The following WDR35 variants were observed in gnomAD, a reference collection of about 807,000 sequenced individuals.
The protein encoded by WDR35 is WD repeat domain 35, also known as WD repeat-containing protein 35.
A neutral mutation model predicts 158.3 loss-of-function variants in WDR35; 118 were observed. That is an observed-to-expected ratio of 0.75 (90% confidence interval 0.64 to 0.87). The LOEUF is 0.87. Among genes scored for constraint, WDR35 ranks in the 40% least tolerant of loss-of-function variants. The probability of loss-of-function intolerance (pLI) is 0.00; values close to 1 mark genes in which losing one functional copy is unlikely to be tolerated. For missense variants in WDR35, 1,263 were observed against 1,405.8 expected (o/e 0.90, Z 1.62); for synonymous variants, 448 against 476.1 (o/e 0.94, Z 0.77).
In WDR35 at chr2:19,911,608, T is replaced by C. The variant is rs985484071; in HGVS notation, c.*1950A>G. ...GAACAAATGAGAAAGCTGGAATTCATTGTGTTACATTTAGGTAAGTAAGTT... is the reference window on the plus strand; with the variant it reads ...GAACAAATGAGAAAGCTGGAATTCACTGTGTTACATTTAGGTAAGTAAGTT... On this transcript the variant is annotated 3_prime_UTR_variant, in exon 27 of 27. Coordinates refer to ENST00000281405, the MANE Select transcript of WDR35 (RefSeq NM_020779.4). The C allele has an allele frequency of 3.9e-5, 6 of 152,240 alleles. No individual in the cohort carries two copies. The highest frequency in any genetic ancestry group is 1.4e-4 in the African/African-American group (6 of 41,464). 9.4% of individuals were successfully genotyped at this position (152,240 alleles called of 1,614,324 possible).
Position 19,935,526 on chromosome 2 carries a change from T to A in WDR35, c.2492A>T (p.Tyr831Phe), listed in dbSNP as rs886055403. The A allele has an allele frequency of 6.2e-7, 1 of 1,613,320 alleles. No homozygotes were observed. The highest frequency in any genetic ancestry group is 1.1e-5 in the South Asian group (1 of 91,026). The change falls in exon 21 of 27, where the codon TAT becomes TTT. Residue 831 changes from tyrosine to phenylalanine, a missense_variant. Physicochemically the swap from Tyr to Phe is conservative, Grantham distance 22. Coordinates refer to ENST00000281405, the MANE Select transcript of WDR35 (RefSeq NM_020779.4). ...AATGGCAAGGTTCTCTAACCCTTCATAATCCTCTAACATATAGTAACATTC... is the reference window on the plus strand; with the variant it reads ...AATGGCAAGGTTCTCTAACCCTTCAAAATCCTCTAACATATAGTAACATTC... The part of the protein sequence containing the change: ...LAECYYMLED[Y>F]EGLENLAISL...
chr2:19,953,177 A>G (rs1355590764), intron 12 of WDR35, among the ~76,000 whole-genome samples: 3 of 152,216 alleles, frequency 2.0e-5, no homozygotes, highest in South Asian at 4.1e-4. Context: ...CAGCAAACAC[A>G]GAGTATCACT....
intron 23 of WDR35, among the ~76,000 whole-genome samples, chr2:19,931,755 C>A (rs1165994692): frequency 6.6e-6 from 1 of 152,020 alleles, no homozygotes; most frequent in Non-Finnish European, 1.5e-5. Flanking sequence ...GTTCCAAGTA[C>A]ACAAAGATAT....
chr2:19,969,441 A>T, intron 9 of WDR35, 39 bp downstream of exon 9: 1 of 1,586,928 alleles, frequency 6.3e-7, no homozygotes, highest in Non-Finnish European at 8.6e-7. Context: ...TTATTTAGTA[A>T]GAAACACTGT....
Position 19,913,047 on chromosome 2 carries a change from G to GA in WDR35, c.*510dup, listed in dbSNP as rs1373846547. 1 of 152,784 alleles carries GA rather than the reference G, an allele frequency of 6.5e-6. No homozygotes were observed. Among genetic ancestry groups the GA allele is most frequent in the African/African-American group, 2.4e-5 (1 of 41,436 alleles). 9.5% of individuals were successfully genotyped at this position (152,784 alleles called of 1,614,324 possible). The stretch of plus-strand genomic sequence containing the variant: ...CTTAAAATGCCATCGCCTCACTTCT[G>GA]AAAATACAATAAAGAAGACATTCGA... On this transcript the variant is annotated 3_prime_UTR_variant, in exon 27 of 27. Transcript: ENST00000281405.
intron 2 of WDR35, among the ~76,000 whole-genome samples, chr2:19,984,558 T>C (rs10206025): frequency 0.027 from 4,121 of 152,258 alleles, 163 homozygotes; most frequent in African/African-American, 0.094. Flanking sequence ...TTTAAACTCA[T>C]GTAAAGGAAT....
At chr2:19,947,800 ACT>A (rs1404146113) in intron 14 of WDR35, among the ~76,000 whole-genome samples, 2 of 151,344 alleles carry the variant, frequency 1.3e-5, no homozygotes, top group Admixed American at 1.3e-4. Context: ...CTGTAAGTGT[ACT>A]CTGTCTTCTC....
At chr2:19,968,858 C>G (rs185717130) in intron 9 of WDR35, among the ~76,000 whole-genome samples, 98 of 152,360 alleles carry the variant, frequency 6.4e-4, no homozygotes, top group African/African-American at 2.1e-3. Context: ...TTTTCTCCTT[C>G]TAATCCATTC....
At chr2:19,942,220 T>C (rs919840171) in intron 16 of WDR35, among the ~76,000 whole-genome samples, 4 of 152,202 alleles carry the variant, frequency 2.6e-5, no homozygotes, top group African/African-American at 9.6e-5. Flanking sequence ...TAAAAAGTCA[T>C]ATAGCTTGAA....
At chr2:19,931,192 A>G in intron 24 of WDR35, 77 bp downstream of exon 24, 1 of 1,523,288 alleles carries the variant, frequency 6.6e-7, no homozygotes. Context: ...CTATCCATAA[A>G]AGAAGTTTAA....
chr2:19,977,351 T>C (rs2103459113), intron 5 of WDR35, among the ~76,000 whole-genome samples: 1 of 152,340 alleles, frequency 6.6e-6, no homozygotes, highest in African/African-American at 2.4e-5. Flanking sequence ...GAATTTTCCC[T>C]TAAAATCAAT....
chr2:19,928,552 C>T lies in WDR35; in HGVS notation c.3121+1844G>A, dbSNP rs185988115. ...TCAAATCTGTTAAGAAAGAATAAAC[C>T]TAATATATGGTTTCAGGATAACTTA... is the stretch of plus-strand genomic sequence containing the variant. On this transcript the variant is annotated intron_variant, in intron 25 of 26. Transcript: ENST00000281405. Among the ~76,000 whole-genome samples the T allele has an allele frequency of 4.5e-3, 687 of 152,150 alleles. 21 individuals are homozygous for T. Among genetic ancestry groups the T allele is most frequent in the Admixed American group, 0.041 (634 of 15,298 alleles).
At chr2:19,939,395 T>C (rs796800513) in intron 17 of WDR35, among the ~76,000 whole-genome samples, 34 of 152,242 alleles carry the variant, frequency 2.2e-4, no homozygotes, top group African/African-American at 8.2e-4. Context: ...AAAATTAAAA[T>C]ATAATTTAAA....
At chr2:19,979,755 T>A (rs1376756983) in intron 4 of WDR35, among the ~76,000 whole-genome samples, 1 of 139,886 alleles carries the variant, frequency 7.1e-6, no homozygotes, top group Non-Finnish European at 1.5e-5. Flanking sequence ...TCCACTGAAC[T>A]TTCACATTCT....
chr2:19,915,270 G>A (rs1192540295), intron 25 of WDR35, among the ~76,000 whole-genome samples: 1 of 151,966 alleles, frequency 6.6e-6, no homozygotes, highest in East Asian at 1.9e-4. Flanking sequence ...CTATAAACTG[G>A]TTCTGGGGTC....
At position 19,947,311 on chromosome 2, in the gene WDR35, T is replaced by A. The variant is rs1671090781; in HGVS notation, c.1525-741A>T. ...AGAACCACTGCTTTTGCAGCATGAG[T>A]CTCATGAGGGCTTATCAGAAAGGAG... is the stretch of plus-strand genomic sequence containing the variant. On this transcript the variant is annotated intron_variant, in intron 14 of 26. Transcript: ENST00000281405. Among the ~76,000 whole-genome samples the A allele has an allele frequency of 3.3e-5, 5 of 152,228 alleles. No homozygotes were observed. The South Asian group carries it at 1.0e-3, about 32-fold the overall frequency.
intron 2 of WDR35, among the ~76,000 whole-genome samples, chr2:19,983,615 G>T (rs1486013443): frequency 6.6e-6 from 1 of 152,132 alleles, no homozygotes; most frequent in Non-Finnish European, 1.5e-5. Context: ...GAATTTGTGA[G>T]AATGGGAATT....
chr2:19,978,780 T>A lies in WDR35; in HGVS notation c.407A>T (p.Asp136Val). The change falls in exon 5 of 27, where the codon GAT becomes GTT. Residue 136 changes from aspartate (D) to valine (V), a missense_variant. Physicochemically the swap from Asp to Val is radical, Grantham distance 152. Transcript: ENST00000281405. ...CACTGAACCAACTATCACAGCCCCA[T>A]CTTCATATACAATGCAGATCTTCTG... ...DGQKICIVYEDGAVIVGSVDG... is the reference protein window; with the variant it reads ...DGQKICIVYEVGAVIVGSVDG... 6.2e-7 allele frequency: 1 copy of A among 1,613,876 alleles called. No individual in the cohort carries two copies. The highest frequency in any genetic ancestry group is 8.5e-7 in the Non-Finnish European group (1 of 1,179,864).
intron 25 of WDR35, among the ~76,000 whole-genome samples, chr2:19,927,710 T>C (rs1277857126): frequency 6.6e-6 from 1 of 152,158 alleles, no homozygotes; most frequent in Non-Finnish European, 1.5e-5. Flanking sequence ...TGTTTTTGGA[T>C]ATAGCAAAAT....
Sources: gnomAD v4.1 joint callset for allele counts (sites outside exome capture counted in the v4.1 genomes callset) on GRCh38, gnomAD v4.1.1 for gene constraint, MANE v1.5 for transcripts, NCBI Gene and HGNC (gene_info 2026-07-23, HGNC 2026-07-21) for gene names.